Variants in TNNI3K observed in about 807,000 individuals in gnomAD.
TNNI3K encodes serine/threonine-protein kinase TNNI3K.
TNNI3K carries 140 observed loss-of-function variants against 114.5 expected under a neutral mutation model. That is an observed-to-expected ratio of 1.22 (90% CI 1.07 to 1.41). The LOEUF (loss-of-function observed/expected upper bound fraction) is 1.41. TNNI3K is among the 40% of genes most tolerant of loss of function. The pLI is 0.00. For missense variants in TNNI3K, 1,125 were observed against 1,007.6 expected, an observed-to-expected ratio of 1.12 and a Z score of -1.58; for synonymous variants, 347 against 347.5, an observed-to-expected ratio of 1.00 and a Z score of 0.02.
At chr1:74,530,876 A>T (rs1228102718) in intron 23 of TNNI3K, among the ~76,000 whole-genome samples, 1 of 152,180 alleles carries the variant, frequency 6.6e-6, no homozygotes, top group East Asian at 1.9e-4. Flanking sequence ...TGCTTAAATT[A>T]GTAGGTAAAT....
intron 9 of TNNI3K, among the ~76,000 whole-genome samples, chr1:74,346,907 A>G (rs771525816): frequency 6.6e-6 from 1 of 151,650 alleles, no homozygotes; most frequent in Non-Finnish European, 1.5e-5. Context: ...TCTTAATCCC[A>G]GATTCTTCTT....
At chr1:74,516,516 C>A (rs1328858419) in intron 23 of TNNI3K, among the ~76,000 whole-genome samples, 1 of 152,120 alleles carries the variant, frequency 6.6e-6, no homozygotes, top group Admixed American at 6.5e-5. Flanking sequence ...GAAAGAAGTT[C>A]ATTGTGTGTA....
chr1:74,502,064 A>T (rs1010013763), intron 23 of TNNI3K, among the ~76,000 whole-genome samples: 1 of 152,110 alleles, frequency 6.6e-6, no homozygotes, highest in African/African-American at 2.4e-5. Context: ...CCTTGCTTGG[A>T]CCCATGATGT....
chr1:74,332,423 C>T (rs1273679483), intron 6 of TNNI3K, among the ~76,000 whole-genome samples: 1 of 151,960 alleles, frequency 6.6e-6, no homozygotes, highest in Non-Finnish European at 1.5e-5. Context: ...GCCTCAGCCT[C>T]CCAAGTAGCT....
rs201172469 is a variant in TNNI3K, at chr1:74,544,225, A to T, written c.*243A>T. On this transcript the variant is annotated 3_prime_UTR_variant, in exon 25 of 25. Transcript: ENST00000326637. ...AGAATTGTTTTTAATTTTGTAAATT[A>T]AAAAAAAATTTAGATCGTTACTTGG... The T allele has an allele frequency of 2.6e-6, 1 of 388,338 alleles. No homozygotes were observed. 24.1% of individuals were successfully genotyped at this position (388,338 alleles called of 1,614,324 possible).
chr1:74,480,865 T>G, intron 21 of TNNI3K: 1 of 717,314 alleles, frequency 1.4e-6, no homozygotes, highest in Non-Finnish European at 2.6e-6. Context: ...CATTTCTGCT[T>G]AGGGAGAGCA....
intron 20 of TNNI3K, among the ~76,000 whole-genome samples, chr1:74,445,188 C>T (rs1666580424): frequency 6.7e-6 from 1 of 150,292 alleles, no homozygotes; most frequent in Non-Finnish European, 1.5e-5. Flanking sequence ...CAAACGTGAT[C>T]TAAACTAAAG....
At chr1:74,484,106 T>G (rs1021979358) in intron 21 of TNNI3K, among the ~76,000 whole-genome samples, 1 of 151,994 alleles carries the variant, frequency 6.6e-6, no homozygotes, top group Admixed American at 6.6e-5. Context: ...ATGTTAAACT[T>G]TACCTTTATT....
Position 74,478,660 on chromosome 1 carries a change from C to A in TNNI3K, c.2122-10529C>A, listed in dbSNP as rs946626680. Among the ~76,000 whole-genome samples the A allele has an allele frequency of 3.3e-5, 5 of 152,162 alleles. No homozygotes were observed. In the South Asian group the frequency reaches 1.0e-3, roughly 32 times the overall value. On this transcript the variant is annotated intron_variant, in intron 21 of 24. Coordinates refer to ENST00000326637, the MANE Select transcript of TNNI3K (RefSeq NM_015978.3). ...GTGCTTATTAGAAAATGAAAGGTTACGAGAAGTGCTGCAGTGAGTATACCT... is the reference window on the plus strand; with the variant it reads ...GTGCTTATTAGAAAATGAAAGGTTAAGAGAAGTGCTGCAGTGAGTATACCT...
chr1:74,331,434 T>C lies in TNNI3K; in HGVS notation c.445-16T>C. 6.2e-7 allele frequency: 1 copy of C among 1,610,750 alleles called. No homozygotes were observed. The highest frequency in any genetic ancestry group is 8.5e-7 in the Non-Finnish European group (1 of 1,178,738). The stretch of plus-strand genomic sequence containing the variant: ...ACTCAACTGAAGTTCTTAACCATAA[T>C]CATTTTCTTGTCCAGGCTGCTGATG... On this transcript the variant is annotated splice_polypyrimidine_tract_variant and intron_variant, in intron 5 of 24. Transcript: ENST00000326637.
At chr1:74,302,714 A>G (rs1658402234) in intron 5 of TNNI3K, among the ~76,000 whole-genome samples, 1 of 152,224 alleles carries the variant, frequency 6.6e-6, no homozygotes, top group Non-Finnish European at 1.5e-5. Context: ...ATGAAGGATG[A>G]GAGAGATGAG....
At chr1:74,436,971 T>C (rs1666161979) in intron 19 of TNNI3K, among the ~76,000 whole-genome samples, 1 of 152,052 alleles carries the variant, frequency 6.6e-6, no homozygotes, top group African/African-American at 2.4e-5. Context: ...AAGTAAAATA[T>C]AAATTATAAT....
intron 22 of TNNI3K, among the ~76,000 whole-genome samples, chr1:74,489,655 G>A (rs1668949992): frequency 6.6e-6 from 1 of 152,124 alleles, no homozygotes; most frequent in African/African-American, 2.4e-5. Context: ...AATAAAATAT[G>A]TTCATAAATT....
At chr1:74,477,973 A>C (rs1222404796) in intron 21 of TNNI3K, among the ~76,000 whole-genome samples, 1 of 152,220 alleles carries the variant, frequency 6.6e-6, no homozygotes, top group Non-Finnish European at 1.5e-5. Flanking sequence ...GTAAGTGTCA[A>C]GATATTAGTG....
intron 6 of TNNI3K, among the ~76,000 whole-genome samples, chr1:74,333,910 G>T (rs1660340210): frequency 6.6e-6 from 1 of 152,122 alleles, no homozygotes; most frequent in African/African-American, 2.4e-5. Context: ...ATCTGCTTAG[G>T]CATGCAAGGT....
chr1:74,442,408 T>G (rs1304520671), intron 20 of TNNI3K, among the ~76,000 whole-genome samples: 2 of 152,098 alleles, frequency 1.3e-5, no homozygotes, highest in Admixed American at 1.3e-4. Context: ...CCAACTTTGT[T>G]CTTCTTTGTT....
At chr1:74,464,208 G>A (rs1298181322) in intron 21 of TNNI3K, among the ~76,000 whole-genome samples, 1 of 152,144 alleles carries the variant, frequency 6.6e-6, no homozygotes, top group Non-Finnish European at 1.5e-5. Context: ...TGTGCAGACG[G>A]GTTATGTCTG....
intron 4 of TNNI3K, among the ~76,000 whole-genome samples, chr1:74,262,903 C>G (rs1185032464): frequency 6.6e-6 from 1 of 152,088 alleles, no homozygotes; most frequent in Non-Finnish European, 1.5e-5. Flanking sequence ...TCATTGTACT[C>G]TCTTAGCTCC....
intron 5 of TNNI3K, among the ~76,000 whole-genome samples, chr1:74,308,364 G>T (rs548802): frequency 0.99 from 150,894 of 152,260 alleles, 74,789 homozygotes; most frequent in Middle Eastern, 1. Context: ...GGAAAACTCT[G>T]AAAACTACAC....
Sources: gnomAD v4.1 joint callset for allele counts (sites outside exome capture counted in the v4.1 genomes callset) on GRCh38, gnomAD v4.1.1 for gene constraint, MANE v1.5 for transcripts, NCBI Gene and HGNC (gene_info 2026-07-23, HGNC 2026-07-21) for gene names.